Variants in CC2D1A observed in about 807,000 individuals in gnomAD.
The protein encoded by CC2D1A is coiled-coil and C2 domain-containing protein 1A.
In CC2D1A, 68 loss-of-function variants were observed where a neutral mutation model predicts 123.8. That is an observed-to-expected ratio of 0.55 (90% CI 0.45 to 0.67). The LOEUF is 0.67. Among genes scored for constraint, CC2D1A ranks in the 30% least tolerant of loss-of-function variants. The probability of loss-of-function intolerance (pLI) is 0.00; values close to 1 mark genes in which losing one functional copy is unlikely to be tolerated. For synonymous variants in CC2D1A, 477 were observed against 528.0 expected, an observed-to-expected ratio of 0.90 and a Z score of 1.32; for missense variants, 1,185 against 1,290.3, an observed-to-expected ratio of 0.92 and a Z score of 1.25.
At chr19:13,928,793 C>T (rs188717702) in intron 24 of CC2D1A, among the ~76,000 whole-genome samples, 3 of 151,348 alleles carry the variant, frequency 2.0e-5, no homozygotes, top group African/African-American at 7.3e-5. Context: ...ACAGCAACCT[C>T]CGCCTCTGGG....
intron 2 of CC2D1A, among the ~76,000 whole-genome samples, chr19:13,910,992 G>A (rs1599379426): frequency 6.6e-6 from 1 of 151,936 alleles, no homozygotes; most frequent in Non-Finnish European, 1.5e-5. Flanking sequence ...ATGAATGAAC[G>A]ATATCTATTC....
intron 17 of CC2D1A, among the ~76,000 whole-genome samples, chr19:13,925,591 T>C (rs953920410): frequency 6.9e-6 from 1 of 145,150 alleles, no homozygotes; most frequent in Middle Eastern, 3.8e-3. Flanking sequence ...AAAAGAAATA[T>C]TGTGAAATGA....
Position 13,909,805 on chromosome 19 carries a change from C to T in CC2D1A, c.61-18C>T. ...GTGGTGAACCAAAGGTCTGACTGAA[C>T]CCTTGCTGTTCCCCTAGCTGGGCCT... On this transcript the variant is annotated intron_variant, in intron 1 of 28. Transcript: ENST00000318003. 4 of 1,598,372 alleles carry T rather than the reference C, an allele frequency of 2.5e-6. No homozygotes were observed. In the African/African-American group the frequency reaches 4.0e-5, roughly 16 times the overall value.
chr19:13,926,030 A>ATATATATATATACGTATATATATGTG (rs1568418937), intron 17 of CC2D1A, among the ~76,000 whole-genome samples: 1,924 of 87,530 alleles, frequency 0.022, 46 homozygotes, highest in South Asian at 0.035. Context: ...ATATATGTGT[A>ATATATATATATACGTATATATATGTG]TATATATATA....
intron 6 of CC2D1A, 44 bp downstream of exon 6, chr19:13,913,682 C>T (rs758164408): frequency 1.4e-6 from 2 of 1,442,644 alleles, no homozygotes; most frequent in Non-Finnish European, 1.9e-6. Context: ...TCCGAGTGGG[C>T]CATCTGGCAG....
At chr19:13,917,707 G>A (rs935215932) in intron 6 of CC2D1A, among the ~76,000 whole-genome samples, 6 of 151,742 alleles carry the variant, frequency 4.0e-5, no homozygotes, top group African/African-American at 1.5e-4. Context: ...AGCCAGGCGC[G>A]GTGGTTCACA....
At chr19:13,915,231 G>T (rs2145317354) in intron 6 of CC2D1A, among the ~76,000 whole-genome samples, 1 of 152,346 alleles carries the variant, frequency 6.6e-6, no homozygotes, top group East Asian at 1.9e-4. Flanking sequence ...ATTTGTTAAT[G>T]TGAAGTAGGT....
chr19:13,919,262 CA>C, intron 11 of CC2D1A, 60 bp downstream of exon 11: 1 of 1,356,936 alleles, frequency 7.4e-7, no homozygotes, highest in Non-Finnish European at 1.0e-6. Flanking sequence ...GCCCCGCCCC[CA>C]GAGGCCCCGC....
intron 17 of CC2D1A, among the ~76,000 whole-genome samples, chr19:13,924,405 C>T (rs552550333): frequency 4.1e-4 from 62 of 152,084 alleles, no homozygotes; most frequent in African/African-American, 1.4e-3. Context: ...CTCTTGACCT[C>T]GTGATCCGCC....
intron 23 of CC2D1A, 36 bp downstream of exon 23, chr19:13,928,066 G>A: frequency 1.9e-6 from 2 of 1,036,870 alleles, no homozygotes; most frequent in Non-Finnish European, 2.8e-6. Flanking sequence ...AGCAACCCCA[G>A]GGAGGGAAGC....
At chr19:13,920,161 G>A (rs760887316) in intron 12 of CC2D1A, 4 of 534,060 alleles carry the variant, frequency 7.5e-6, no homozygotes, top group Non-Finnish European at 1.3e-5. Flanking sequence ...TGAGGTGGGA[G>A]GATCACCTGA....
chr19:13,926,746 G>A, intron 19 of CC2D1A, 21 bp downstream of exon 19: 1 of 1,614,118 alleles, frequency 6.2e-7, no homozygotes, highest in Non-Finnish European at 8.5e-7. Flanking sequence ...AGCTGAGGAG[G>A]GGAGGGCTGC....
intron 12 of CC2D1A, 121 bp downstream of exon 12, chr19:13,920,072 C>A: frequency 9.6e-7 from 1 of 1,043,620 alleles, no homozygotes. Flanking sequence ...CACAGTGAGA[C>A]CCCCGTCTCT....
Position 13,923,487 on chromosome 19 carries a change from G to C in CC2D1A, c.1764+32G>C, listed in dbSNP as rs749694577. On this transcript the variant is annotated intron_variant, in intron 15 of 28. Transcript: ENST00000318003. This position sits in a 1 kb window ranked among gnomAD's most constrained non-coding sequence, Gnocchi z 5.3. ...GGGAGGCCCCCAGCCCATCCCCCAGGAGCGTGACCCTCCTTCCCCTCTCTT... is the reference window on the plus strand; with the variant it reads ...GGGAGGCCCCCAGCCCATCCCCCAGCAGCGTGACCCTCCTTCCCCTCTCTT... 2.5e-6 allele frequency: 4 copies of C among 1,613,992 alleles called. No individual in the cohort carries two copies. The African/African-American group carries it at 4.0e-5, about 16-fold the overall frequency.
At chr19:13,925,933 A>AAATATAT (rs1315518981) in intron 17 of CC2D1A, among the ~76,000 whole-genome samples, 40 of 91,042 alleles carry the variant, frequency 4.4e-4, no homozygotes, top group African/African-American at 2.6e-3. Context: ...AAAAAAAAAA[A>AAATATAT]ATATATATAT....
chr19:13,928,057 G>T, intron 23 of CC2D1A, 27 bp downstream of exon 23: 1 of 1,241,012 alleles, frequency 8.1e-7, no homozygotes, highest in Non-Finnish European at 1.1e-6. Flanking sequence ...CCACCCATCA[G>T]CAACCCCAGG....
rs779635033 is a variant in CC2D1A at position 13,918,172 on chromosome 19, C to A, written c.851C>A (p.Ala284Asp). Reference sequence around the variant, plus strand: ...CAGCAGGGAGATACCACTGCTGCCGCTAGACACTTCCGCGTGGCTAAGGTG... The same window carrying A: ...CAGCAGGGAGATACCACTGCTGCCGATAGACACTTCCGCGTGGCTAAGGTG... ...AKQQGDTTAAARHFRVAKSFD... is the reference protein window; with the variant it reads ...AKQQGDTTAADRHFRVAKSFD... Residue 284 changes from alanine (A) to aspartate (D), a missense_variant, in exon 7 of 29, where the codon GCT becomes GAT. Coordinates refer to ENST00000318003, the MANE Select transcript of CC2D1A (RefSeq NM_017721.5). The A allele has an allele frequency of 6.2e-7, 1 of 1,602,728 alleles. No individual in the cohort carries two copies. Among genetic ancestry groups the A allele is most frequent in the Non-Finnish European group, 8.5e-7 (1 of 1,175,356 alleles).
At chr19:13,912,686 T>C (rs1234884318) in intron 4 of CC2D1A, 93 bp downstream of exon 4, 13 of 1,289,860 alleles carry the variant, frequency 1.0e-5, no homozygotes, top group Middle Eastern at 3.7e-4. Flanking sequence ...GGAGTCTTGC[T>C]GTGTCACCCA....
rs1971861876 is a variant in CC2D1A, at chr19:13,930,360, C to T, written c.2836-15C>T. The T allele has an allele frequency of 6.2e-7, 1 of 1,613,356 alleles. No individual in the cohort carries two copies. The highest frequency in any genetic ancestry group is 1.1e-5 in the South Asian group (1 of 91,076). On this transcript the variant is annotated splice_polypyrimidine_tract_variant and intron_variant, in intron 28 of 28. Coordinates refer to ENST00000318003, the MANE Select transcript of CC2D1A (RefSeq NM_017721.5). This position sits in a 1 kb window ranked among gnomAD's most constrained non-coding sequence, Gnocchi z 6.8. ...TAGCCCACCTCCATGACCCCAGTGG[C>T]CTCCTCTCCCCCAGCTGCAGCGGCT...
Sources: gnomAD v4.1 joint callset for allele counts (sites outside exome capture counted in the v4.1 genomes callset) on GRCh38, gnomAD v4.1.1 for gene constraint, Gnocchi (gnomAD v3.1) non-coding constraint, MANE v1.5 for transcripts, NCBI Gene and HGNC (gene_info 2026-07-23, HGNC 2026-07-21) for gene names.